Variants in PCDHA4 observed in about 807,000 individuals in gnomAD.
The protein encoded by PCDHA4 is protocadherin alpha-4.
In PCDHA4, 49 loss-of-function variants were observed where a neutral mutation model predicts 61.4. The ratio of observed to expected loss-of-function variants is 0.80; its 90% CI spans 0.63 to 1.01. The LOEUF (loss-of-function observed/expected upper bound fraction) is 1.01, where lower values mean the gene tolerates loss of function less well. Ranked by LOEUF, PCDHA4 falls within the 50% of genes least tolerant of loss-of-function variation. The pLI is 0.00. For synonymous variants in PCDHA4, 590 were observed against 550.3 expected (o/e 1.07, Z -1.01); for missense variants, 1,254 against 1,235.8 (o/e 1.01, Z -0.22).
chr5:141,004,311 C>T (rs2098161581), intron 3 of PCDHA4, among the ~76,000 whole-genome samples: 1 of 152,210 alleles, frequency 6.6e-6, no homozygotes, highest in South Asian at 2.1e-4. Context: ...TTTTATACAA[C>T]AACCAGAACA....
Position 140,884,200 on chromosome 5 carries a change from C to T in PCDHA4, c.2385+74628C>T, listed in dbSNP as rs2060048327. 2.5e-6 allele frequency: 4 copies of T among 1,613,458 alleles called. No individual in the cohort carries two copies. The Admixed American group carries it at 5.0e-5, about 20-fold the overall frequency. Reference sequence around the variant, plus strand: ...CTCTGGACGAGGTGGACGCGCCGCACCACCGCCTTCTGGTGCTGGTGAAGG... The same window carrying T: ...CTCTGGACGAGGTGGACGCGCCGCATCACCGCCTTCTGGTGCTGGTGAAGG... On this transcript the variant is annotated intron_variant, in intron 1 of 3. Transcript: ENST00000530339.
intron 1 of PCDHA4, chr5:140,883,818 T>A (rs1349664661): frequency 6.2e-7 from 1 of 1,612,072 alleles, no homozygotes; most frequent in African/African-American, 1.3e-5. Flanking sequence ...AGCGGCAAGG[T>A]GTACGCGCTG....
intron 1 of PCDHA4, chr5:140,810,659 GT>G (rs1271991109): frequency 7.3e-6 from 1 of 137,198 alleles, no homozygotes; most frequent in African/African-American, 2.9e-5. Context: ...CTAGTCTGTT[GT>G]TTTTCTTTTC....
At chr5:140,940,028 G>T (rs782276273) in intron 1 of PCDHA4, among the ~76,000 whole-genome samples, 1 of 152,048 alleles carries the variant, frequency 6.6e-6, no homozygotes, top group African/African-American at 2.4e-5. Context: ...ATGTTTTAAG[G>T]CTATTTTATT....
chr5:140,927,432 C>G lies in PCDHA4; in HGVS notation c.2386-51517C>G, dbSNP rs781874569. The G allele has an allele frequency of 6.8e-6, 11 of 1,614,124 alleles. No homozygotes were observed. The East Asian group carries it at 2.5e-4, about 36-fold the overall frequency. On this transcript the variant is annotated intron_variant, in intron 1 of 3. Transcript: ENST00000530339. Reference sequence around the variant, plus strand: ...ACATGGGATCGCGGGTTGACGGCAGCGAATACCCGGAGTTGGTGTTGGAGA... The same window carrying G: ...ACATGGGATCGCGGGTTGACGGCAGGGAATACCCGGAGTTGGTGTTGGAGA...
At chr5:140,896,398 A>T (rs1322743669) in intron 1 of PCDHA4, among the ~76,000 whole-genome samples, 3 of 151,946 alleles carry the variant, frequency 2.0e-5, no homozygotes, top group African/African-American at 7.3e-5. Context: ...AGCATCTGTT[A>T]TTTTTGACTT....
chr5:140,968,657 G>T (rs782383428), intron 1 of PCDHA4: 16 of 1,614,142 alleles, frequency 9.9e-6, no homozygotes, highest in Non-Finnish European at 1.4e-5. Flanking sequence ...TTCTGACCTG[G>T]ACCTCTTTAA....
At chr5:140,862,887 G>A (rs781965401) in intron 1 of PCDHA4, 8 of 562,884 alleles carry the variant, frequency 1.4e-5, no homozygotes, top group Non-Finnish European at 2.7e-5. Flanking sequence ...GTGCTGGAAC[G>A]ACAACTTTGT....
At chr5:140,928,367 C>T (rs781897390) in intron 1 of PCDHA4, 1 of 1,614,170 alleles carries the variant, frequency 6.2e-7, no homozygotes, top group East Asian at 2.2e-5. Context: ...TCTGAAGGGC[C>T]ATCAGCCTCT....
At chr5:140,864,277 T>A (rs1203382304) in intron 1 of PCDHA4, 6 of 152,228 alleles carry the variant, frequency 3.9e-5, no homozygotes, top group South Asian at 2.1e-4. Context: ...CTCCATTCCT[T>A]ATTGTTTTTA....
intron 1 of PCDHA4, chr5:140,927,725 C>T (rs782731204): frequency 1.2e-6 from 2 of 1,614,202 alleles, no homozygotes; most frequent in South Asian, 2.2e-5. Flanking sequence ...AGCACGCAAG[C>T]AGAGCTGCGA....
chr5:140,871,092 C>T lies in PCDHA4; in HGVS notation c.2385+61520C>T, dbSNP rs575877743. 10 of 1,613,260 alleles carry T rather than the reference C, an allele frequency of 6.2e-6. No homozygotes were observed. The Admixed American group carries it at 8.3e-5, about 13-fold the overall frequency. ...AGCCGGCGCTGACGGCCACGGCCAC[C>T]GTGCTGGTGTCGTTGGTGGAGAGCG... is the stretch of plus-strand genomic sequence containing the variant. On this transcript the variant is annotated intron_variant, in intron 1 of 3. Transcript: ENST00000530339.
At chr5:140,829,792 G>C in intron 1 of PCDHA4, 2 of 1,613,832 alleles carry the variant, frequency 1.2e-6, no homozygotes, top group Non-Finnish European at 1.7e-6. Flanking sequence ...CGCTGCTGGC[G>C]CCTCGGGTGG....
At chr5:140,988,698 A>G (rs1563551697) in intron 3 of PCDHA4, among the ~76,000 whole-genome samples, 1 of 152,116 alleles carries the variant, frequency 6.6e-6, no homozygotes, top group East Asian at 1.9e-4. Context: ...GACGCTCTGT[A>G]TTTTCTTGGA....
intron 1 of PCDHA4, chr5:140,926,694 G>T: frequency 4.0e-6 from 3 of 746,722 alleles, no homozygotes; most frequent in Non-Finnish European, 5.8e-6. Flanking sequence ...TAGCAAGCCC[G>T]GCTCCCAGCT....
In PCDHA4 at chr5:140,869,747, C is replaced by G. The variant is rs1554163400; in HGVS notation, c.2385+60175C>G. 1.2e-6 allele frequency: 2 copies of G among 1,613,158 alleles called. No individual in the cohort carries two copies. Reference sequence around the variant, plus strand: ...GAACTTAATTTGCTGCTAACAGCTACAGACGGGGGAAAACCAGAGCTTACT... The same window carrying G: ...GAACTTAATTTGCTGCTAACAGCTAGAGACGGGGGAAAACCAGAGCTTACT... On this transcript the variant is annotated intron_variant, in intron 1 of 3. Coordinates refer to ENST00000530339, the MANE Select transcript of PCDHA4 (RefSeq NM_018907.4).
Position 140,926,904 on chromosome 5 carries a change from T to G in PCDHA4, c.2386-52045T>G, listed in dbSNP as rs150445810. Reference sequence around the variant, plus strand: ...CGCCTAGAGGGAGGATGGTGGGCTGTGGGGTGGCAGTTTTATGTTTGTGGG... The same window carrying G: ...CGCCTAGAGGGAGGATGGTGGGCTGGGGGGTGGCAGTTTTATGTTTGTGGG... On this transcript the variant is annotated intron_variant, in intron 1 of 3. Transcript: ENST00000530339. 5,017 of 1,557,626 alleles carry G rather than the reference T, an allele frequency of 3.2e-3. 25 individuals carry two copies. Among genetic ancestry groups the G allele is most frequent in the African/African-American group, 0.019 (1,427 of 73,544 alleles).
Position 141,010,304 on chromosome 5 carries a change from A to C in PCDHA4, c.*367A>C. 1.3e-6 allele frequency: 2 copies of C among 1,548,750 alleles called. No homozygotes were observed. Among genetic ancestry groups the C allele is most frequent in the Non-Finnish European group, 8.7e-7 (1 of 1,146,136 alleles). On this transcript the variant is annotated 3_prime_UTR_variant, in exon 4 of 4. Coordinates refer to ENST00000530339, the MANE Select transcript of PCDHA4 (RefSeq NM_018907.4). ...ATGACACTTGCAGGGCAGGCTGAAA[A>C]GTTTTGAGATTGAGCAGCTTGGGAG...
At position 140,808,070 on chromosome 5, in the gene PCDHA4, A is replaced by G. The variant is rs1764091333; in HGVS notation, c.883A>G (p.Ile295Val). 1.2e-6 allele frequency: 2 copies of G among 1,614,124 alleles called. No homozygotes were observed. Among genetic ancestry groups the G allele is most frequent in the Non-Finnish European group, 8.5e-7 (1 of 1,179,968 alleles). ...GCCAAATGTGAAATCCAAGTTTCAC[A>G]TAGATCCAATTACTGGACAAATTAT... ...ISPNVKSKFH[I>V]DPITGQIIVK... The change falls in exon 1 of 4, where the codon ATA becomes GTA. Residue 295 changes from isoleucine (I) to valine (V), a missense_variant. By Grantham distance (29) the Ile-to-Val change is conservative (BLOSUM62 3). Coordinates refer to ENST00000530339, the MANE Select transcript of PCDHA4 (RefSeq NM_018907.4).
Sources: gnomAD v4.1 joint callset for allele counts (sites outside exome capture counted in the v4.1 genomes callset) on GRCh38, gnomAD v4.1.1 for gene constraint, MANE v1.5 for transcripts, NCBI Gene and HGNC (gene_info 2026-07-23, HGNC 2026-07-21) for gene names.